The following SIPA1L3 variants were observed in gnomAD, a reference collection of about 807,000 sequenced individuals.
SIPA1L3 encodes the protein signal induced proliferation associated 1 like 3, also known as signal-induced proliferation-associated 1-like protein 3.
A neutral mutation model predicts 150.1 loss-of-function variants in SIPA1L3; 59 were observed. The observed-to-expected ratio is 0.39, with a 90% CI of 0.32 to 0.49. The LOEUF (loss-of-function observed/expected upper bound fraction) is 0.49, where lower values mean the gene tolerates loss of function less well. Among genes scored for constraint, SIPA1L3 ranks in the 20% least tolerant of loss-of-function variants. The pLI, the probability that SIPA1L3 is intolerant of heterozygous loss-of-function variation, is 0.86. For synonymous variants in SIPA1L3, 1,070 were observed against 1,077.6 expected, an observed-to-expected ratio of 0.99 and a Z score of 0.14; for missense variants, 2,211 against 2,489.5, an observed-to-expected ratio of 0.89 and a Z score of 2.38.
intron 13 of SIPA1L3, among the ~76,000 whole-genome samples, chr19:38,153,520 A>G (rs1971873912): frequency 6.6e-6 from 1 of 152,000 alleles, no homozygotes. Flanking sequence ...AAATACAAAA[A>G]TTAGCCGGGC....
intron 1 of SIPA1L3, among the ~76,000 whole-genome samples, chr19:37,987,422 G>A (rs1044291792): frequency 6.6e-6 from 1 of 152,184 alleles, no homozygotes; most frequent in Non-Finnish European, 1.5e-5. Flanking sequence ...GCCTAGACCA[G>A]GGTTTGTGAA....
intron 1 of SIPA1L3, among the ~76,000 whole-genome samples, chr19:37,976,024 G>A (rs555103760): frequency 1.3e-5 from 2 of 151,106 alleles, no homozygotes; most frequent in South Asian, 2.1e-4. Context: ...AGAATCACTC[G>A]AACCCAGGAG....
chr19:38,140,213 G>A (rs1204232330), intron 10 of SIPA1L3, among the ~76,000 whole-genome samples: 1 of 152,200 alleles, frequency 6.6e-6, no homozygotes, highest in East Asian at 1.9e-4. Flanking sequence ...GCTGCCAGGA[G>A]GTGGATTTCA....
intron 1 of SIPA1L3, among the ~76,000 whole-genome samples, chr19:38,026,562 G>T (rs906991697): frequency 2.6e-5 from 4 of 152,104 alleles, no homozygotes; most frequent in Non-Finnish European, 5.9e-5. Flanking sequence ...ATAGATGCAG[G>T]GTGGGTCAAA....
At chr19:38,193,943 T>C (rs1204923143) in intron 18 of SIPA1L3, among the ~76,000 whole-genome samples, 163 bp downstream of exon 18, 2 of 151,954 alleles carry the variant, frequency 1.3e-5, no homozygotes, top group African/African-American at 2.4e-5. Flanking sequence ...GGCCTGATGG[T>C]GGGGCACTGG....
chr19:38,198,865 G>A (rs1481744973), intron 19 of SIPA1L3, among the ~76,000 whole-genome samples: 1 of 152,216 alleles, frequency 6.6e-6, no homozygotes, highest in African/African-American at 2.4e-5. Flanking sequence ...CAAGGCAGGA[G>A]GATCGCTTGA....
At chr19:37,995,094 G>A (rs148982605) in intron 1 of SIPA1L3, among the ~76,000 whole-genome samples, 8 of 152,240 alleles carry the variant, frequency 5.3e-5, no homozygotes, top group Admixed American at 3.9e-4. Context: ...TCCTCTTCAC[G>A]TGCCTTTCCG....
chr19:38,031,133 T>G (rs1968645689), intron 2 of SIPA1L3, among the ~76,000 whole-genome samples: 6 of 152,202 alleles, frequency 3.9e-5, no homozygotes, highest in Admixed American at 3.9e-4. Flanking sequence ...TGATTACTTT[T>G]ATTTTGAAGT....
chr19:37,930,337 T>C (rs569806373), intron 1 of SIPA1L3, among the ~76,000 whole-genome samples: 171 of 151,716 alleles, frequency 1.1e-3, no homozygotes, highest in African/African-American at 3.7e-3. Context: ...TTTTAATCAT[T>C]CATAGAGACG....
intron 1 of SIPA1L3, among the ~76,000 whole-genome samples, chr19:37,936,391 C>G (rs575747249): frequency 2.0e-5 from 3 of 152,284 alleles, no homozygotes; most frequent in Non-Finnish European, 2.9e-5. Context: ...TTAGTAAATT[C>G]CTGGCATGGG....
intron 1 of SIPA1L3, among the ~76,000 whole-genome samples, chr19:37,962,146 CTTT>C (rs369762947): frequency 7.0e-6 from 1 of 142,226 alleles, no homozygotes; most frequent in East Asian, 2.0e-4. Context: ...TTCTTTCATT[CTTT>C]TTTTTTTTTT....
rs1266299225 is a variant in SIPA1L3 at position 38,082,411 on chromosome 19, G to A, written c.846G>A (p.Lys282=). The A allele has an allele frequency of 1.3e-6, 2 of 1,597,862 alleles. No individual in the cohort carries two copies. The highest frequency in any genetic ancestry group is 1.7e-6 in the Non-Finnish European group (2 of 1,176,358). Residue 282 remains lysine (K), a synonymous_variant, in exon 3 of 22, where the codon AAG becomes AAA. Transcript: ENST00000222345. ...TGCAGCCCACGAAGGAGAAGGAGAAGGCCCGGAAGAAACCTGCGCGGGGCC... is the reference window on the plus strand; with the variant it reads ...TGCAGCCCACGAAGGAGAAGGAGAAAGCCCGGAAGAAACCTGCGCGGGGCC... ...LPLQPTKEKE[K]ARKKPARGLG...
At chr19:38,094,939 CACCTGTAATCCCAGCT>C (rs1339508193) in intron 4 of SIPA1L3, among the ~76,000 whole-genome samples, 18 of 152,214 alleles carry the variant, frequency 1.2e-4, no homozygotes, top group African/African-American at 3.9e-4. Context: ...TGGTGGCACA[CACCTGTAATCCCAGCT>C]ACCTGTAATC....
chr19:38,146,702 G>A (rs1971709508), intron 12 of SIPA1L3, among the ~76,000 whole-genome samples: 1 of 152,146 alleles, frequency 6.6e-6, no homozygotes, highest in Non-Finnish European at 1.5e-5. Flanking sequence ...AGTGATCCGG[G>A]TCTCCACATC....
intron 3 of SIPA1L3, among the ~76,000 whole-genome samples, chr19:38,084,608 G>GT (rs145484276): frequency 0.14 from 18,463 of 131,728 alleles, 1,608 homozygotes; most frequent in African/African-American, 0.21. Context: ...CAGCAGCTAG[G>GT]TTTTTTTTTG....
chr19:38,145,930 A>G (rs1438533710), intron 12 of SIPA1L3, among the ~76,000 whole-genome samples: 1 of 151,728 alleles, frequency 6.6e-6, no homozygotes, highest in East Asian at 1.9e-4. Flanking sequence ...GCACGATCAT[A>G]TAGCTCACTG....
At chr19:38,167,037 G>A (rs146139101) in intron 15 of SIPA1L3, among the ~76,000 whole-genome samples, 358 of 151,998 alleles carry the variant, frequency 2.4e-3, no homozygotes, top group Non-Finnish European at 3.5e-3. Context: ...GCTCGAGACC[G>A]TCCTGGCCAA....
intron 2 of SIPA1L3, among the ~76,000 whole-genome samples, chr19:38,068,020 A>ATTT (rs35795522): frequency 7.4e-6 from 1 of 135,970 alleles, no homozygotes; most frequent in African/African-American, 2.7e-5. Flanking sequence ...GAAAAATCAG[A>ATTT]TTTTTTTTTT....
chr19:38,144,310 C>G (rs1300666572), intron 12 of SIPA1L3, among the ~76,000 whole-genome samples: 1 of 152,248 alleles, frequency 6.6e-6, no homozygotes, highest in Non-Finnish European at 1.5e-5. Flanking sequence ...TCTTCAAGAC[C>G]TCCCATCACA....
Sources: allele counts gnomAD v4.1 joint callset (sites outside exome capture counted in the v4.1 genomes callset), GRCh38; gene constraint gnomAD v4.1.1; transcripts MANE v1.5; gene names NCBI Gene and HGNC (gene_info 2026-07-23, HGNC 2026-07-21).